Variants in RRP15 observed in about 807,000 individuals in gnomAD.
RRP15 encodes RRP15-like protein.
Under a neutral mutation model 27.1 loss-of-function variants are expected in RRP15, and 18 were observed. The observed-to-expected ratio is 0.66, with a 90% CI of 0.46 to 0.98. The LOEUF (loss-of-function observed/expected upper bound fraction) is 0.98, where lower values mean the gene tolerates loss of function less well. Ranked by LOEUF, RRP15 falls within the 50% of genes least tolerant of loss-of-function variation. RRP15 has a pLI of 0.00. For synonymous variants in RRP15, 107 were observed against 109.4 expected (o/e 0.98, Z 0.14); for missense variants, 359 against 337.8 (o/e 1.06, Z -0.49).
intron 1 of RRP15, among the ~76,000 whole-genome samples, chr1:218,292,203 G>T (rs1482061248): frequency 6.6e-6 from 1 of 152,148 alleles, no homozygotes; most frequent in Non-Finnish European, 1.5e-5. Flanking sequence ...ATACTGTACT[G>T]TTAGAGGAAG....
intron 1 of RRP15, among the ~76,000 whole-genome samples, chr1:218,288,008 A>G (rs1446706090): frequency 6.6e-6 from 1 of 152,222 alleles, no homozygotes; most frequent in East Asian, 1.9e-4. Context: ...AGACAAAGTA[A>G]TCTTCTGTTA....
At chr1:218,325,064 A>C (rs1156907404) in intron 4 of RRP15, among the ~76,000 whole-genome samples, 1 of 152,090 alleles carries the variant, frequency 6.6e-6, no homozygotes, top group Non-Finnish European at 1.5e-5. Flanking sequence ...TGAATTCCCT[A>C]TGTCTGGGTT....
rs543646888 is a variant in RRP15, at chr1:218,331,129, T to A, written c.*38T>A. On this transcript the variant is annotated 3_prime_UTR_variant, in exon 5 of 5. Coordinates refer to ENST00000366932, the MANE Select transcript of RRP15 (RefSeq NM_016052.4). ...AATACAATTGCAGTCGTTTTATTTTTTCTAGAAAAATATGTCATCCTCTGA... is the reference window on the plus strand; with the variant it reads ...AATACAATTGCAGTCGTTTTATTTTATCTAGAAAAATATGTCATCCTCTGA... 60 of 1,572,066 alleles carry A rather than the reference T, an allele frequency of 3.8e-5. 1 individual carries two copies. In the South Asian group the frequency reaches 4.7e-4, roughly 12 times the overall value.
intron 4 of RRP15, among the ~76,000 whole-genome samples, chr1:218,312,686 G>A (rs938767382): frequency 4.6e-5 from 7 of 152,064 alleles, no homozygotes; most frequent in Admixed American, 6.6e-5. Context: ...TTAGAAAATC[G>A]TAAAGTTGGA....
chr1:218,315,006 AAAAG>A (rs1362998977), intron 4 of RRP15, among the ~76,000 whole-genome samples: 26 of 142,226 alleles, frequency 1.8e-4, no homozygotes, highest in East Asian at 3.9e-4. Flanking sequence ...AAAAAAAAAA[AAAAG>A]AAAGAAAGTG....
At chr1:218,294,598 G>A (rs533368500) in intron 1 of RRP15, among the ~76,000 whole-genome samples, 7 of 152,008 alleles carry the variant, frequency 4.6e-5, no homozygotes, top group Admixed American at 2.0e-4. Context: ...TGGGTGTGCC[G>A]TCCTGCAGGA....
chr1:218,314,613 A>G (rs1161467525), intron 4 of RRP15, among the ~76,000 whole-genome samples: 9 of 152,190 alleles, frequency 5.9e-5, no homozygotes, highest in African/African-American at 1.9e-4. Flanking sequence ...GAAATTGCCA[A>G]TATATCAATT....
At chr1:218,291,980 A>G (rs1339443856) in intron 1 of RRP15, among the ~76,000 whole-genome samples, 1 of 152,082 alleles carries the variant, frequency 6.6e-6, no homozygotes, top group Non-Finnish European at 1.5e-5. Context: ...TAGGACCACA[A>G]GTGCGTGCCA....
At position 218,333,988 on chromosome 1, in the gene RRP15, T is replaced by C. The variant is rs1473633072; in HGVS notation, c.*2897T>C. The C allele has an allele frequency of 6.6e-6, 1 of 152,202 alleles. No homozygotes were observed. The highest frequency in any genetic ancestry group is 2.4e-5 in the African/African-American group (1 of 41,450). 9.4% of individuals were successfully genotyped at this position (152,202 alleles called of 1,614,324 possible). A position where few individuals can be genotyped will look rare whatever the true frequency, so the allele number is the denominator to read the frequency against. ...AAGTATTATTTCCTTATTTCATATA[T>C]AGAAATAATTATCTTATTTCCTTAT... On this transcript the variant is annotated 3_prime_UTR_variant, in exon 5 of 5. Transcript: ENST00000366932.
chr1:218,309,504 G>A (rs997518345), intron 4 of RRP15, among the ~76,000 whole-genome samples: 5 of 151,864 alleles, frequency 3.3e-5, no homozygotes, highest in African/African-American at 1.2e-4. Flanking sequence ...CCAACATGGT[G>A]AAACACTGTC....
chr1:218,319,787 T>C (rs76528530), intron 4 of RRP15, among the ~76,000 whole-genome samples: 5,027 of 152,276 alleles, frequency 0.033, 262 homozygotes, highest in African/African-American at 0.11. Flanking sequence ...ATTTGTGATA[T>C]CAGGAAGACG....
At chr1:218,289,041 T>C (rs1393362815) in intron 1 of RRP15, among the ~76,000 whole-genome samples, 2 of 152,222 alleles carry the variant, frequency 1.3e-5, no homozygotes, top group African/African-American at 4.8e-5. Flanking sequence ...TAATGTCTAC[T>C]TTAGGATTGT....
intron 1 of RRP15, among the ~76,000 whole-genome samples, chr1:218,291,738 G>A (rs1655645670): frequency 6.6e-6 from 1 of 151,922 alleles, no homozygotes; most frequent in Admixed American, 6.6e-5. Flanking sequence ...CAACATGTTG[G>A]CCAGGATAGT....
chr1:218,307,347 T>G (rs894936385), intron 3 of RRP15, 84 bp from the exon 4 acceptor site: 61 of 1,203,288 alleles, frequency 5.1e-5, no homozygotes, highest in Non-Finnish European at 1.5e-5. Flanking sequence ...TTCTAGACAG[T>G]GAAAATACAT....
intron 4 of RRP15, 148 bp downstream of exon 4, chr1:218,307,780 T>C: frequency 1.6e-6 from 1 of 627,022 alleles, no homozygotes; most frequent in Non-Finnish European, 2.7e-6. Context: ...CCTTTAGAGA[T>C]AGGGCTTGCC....
chr1:218,306,175 C>G (rs1159639639), intron 3 of RRP15, among the ~76,000 whole-genome samples: 1 of 152,078 alleles, frequency 6.6e-6, no homozygotes, highest in Non-Finnish European at 1.5e-5. Context: ...GCTAGCCTGT[C>G]AAAGTTTCCT....
chr1:218,317,726 CTTTT>C (rs34893347), intron 4 of RRP15, among the ~76,000 whole-genome samples: 3 of 119,786 alleles, frequency 2.5e-5, no homozygotes, highest in Admixed American at 8.6e-5. Context: ...GCCCCACACC[CTTTT>C]TTTTTTTTTT....
intron 4 of RRP15, among the ~76,000 whole-genome samples, chr1:218,321,053 T>G (rs947277726): frequency 1.3e-5 from 2 of 152,198 alleles, no homozygotes; most frequent in African/African-American, 4.8e-5. Flanking sequence ...AAGTTAACCA[T>G]CTCATTGGTG....
chr1:218,302,847 C>T (rs1056932173), intron 2 of RRP15, among the ~76,000 whole-genome samples: 1 of 151,688 alleles, frequency 6.6e-6, no homozygotes, highest in Non-Finnish European at 1.5e-5. Flanking sequence ...ATTCCTGAGC[C>T]TATTTTATTT....
Sources: gnomAD v4.1 joint callset for allele counts (sites outside exome capture counted in the v4.1 genomes callset) on GRCh38, gnomAD v4.1.1 for gene constraint, MANE v1.5 for transcripts, NCBI Gene and HGNC (gene_info 2026-07-23, HGNC 2026-07-21) for gene names.